CELF4: variants seen among roughly 807,000 people sequenced by gnomAD.
CELF4 encodes CUG-BP- and ETR-3-like factor 4.
CELF4 carries 18 observed loss-of-function variants against 59.9 expected under a neutral mutation model. The observed-to-expected ratio is 0.30, with a 90% CI of 0.21 to 0.45. The LOEUF is 0.45. Among genes scored for constraint, CELF4 ranks in the 20% least tolerant of loss-of-function variants. The pLI, the probability that CELF4 is intolerant of heterozygous loss-of-function variation, is 1.00. For synonymous variants in CELF4, 261 were observed against 267.1 expected, an observed-to-expected ratio of 0.98 and a Z score of 0.22; for missense variants, 456 against 689.0, an observed-to-expected ratio of 0.66 and a Z score of 3.79.
chr18:37,353,220 C>CA (rs768540669), intron 2 of CELF4, among the ~76,000 whole-genome samples: 1,140 of 96,712 alleles, frequency 0.012, 38 homozygotes, highest in Middle Eastern at 0.04. Context: ...GACTCCGTCT[C>CA]AAAAAAAAAA....
intron 2 of CELF4, among the ~76,000 whole-genome samples, chr18:37,485,138 C>T (rs1321729096): frequency 6.6e-6 from 1 of 152,182 alleles, no homozygotes; most frequent in Non-Finnish European, 1.5e-5. Flanking sequence ...GGTGATCTCA[C>T]TTGCGGCGCC....
At chr18:37,514,793 C>A (rs1360583816) in intron 1 of CELF4, among the ~76,000 whole-genome samples, 1 of 151,942 alleles carries the variant, frequency 6.6e-6, no homozygotes, top group Non-Finnish European at 1.5e-5. Context: ...CAGGTTGGGG[C>A]TCCTTTAAAT....
At chr18:37,342,345 G>A (rs775637390) in intron 2 of CELF4, among the ~76,000 whole-genome samples, 13 of 152,004 alleles carry the variant, frequency 8.6e-5, no homozygotes, top group Admixed American at 2.0e-4. Context: ...CATAAAGATA[G>A]CAACCTTCTC....
chr18:37,471,795 G>A (rs1456459108), intron 2 of CELF4, among the ~76,000 whole-genome samples: 2 of 152,222 alleles, frequency 1.3e-5, no homozygotes, highest in Non-Finnish European at 2.9e-5. Flanking sequence ...CTATGCTCCT[G>A]GTGGGTGCTC....
At chr18:37,433,166 C>T (rs1022532269) in intron 2 of CELF4, among the ~76,000 whole-genome samples, 3 of 152,184 alleles carry the variant, frequency 2.0e-5, no homozygotes, top group African/African-American at 7.2e-5. Flanking sequence ...ACAATGGCCC[C>T]CTCTTCCCCA....
intron 2 of CELF4, among the ~76,000 whole-genome samples, chr18:37,433,868 A>G (rs1375918633): frequency 6.6e-6 from 1 of 152,270 alleles, no homozygotes; most frequent in Non-Finnish European, 1.5e-5. Context: ...TGTGGCAACC[A>G]GTCTTTGAGA....
intron 2 of CELF4, among the ~76,000 whole-genome samples, chr18:37,390,803 G>C (rs868159165): frequency 0.046 from 2,188 of 47,362 alleles, 124 homozygotes; most frequent in African/African-American, 0.15. Context: ...GTGATGGGGC[G>C]GGGAGGGGGG....
chr18:37,513,994 A>T lies in CELF4; in HGVS notation c.287-28387T>A, dbSNP rs199740023. On this transcript the variant is annotated intron_variant, in intron 1 of 12. Coordinates refer to ENST00000420428, the MANE Select transcript of CELF4 (RefSeq NM_020180.4). ...TGTGTGTGTGTGTGTATACCTTCTG[A>T]CAGAGGTGTGGGATGGTGACTTCTG... Among the ~76,000 whole-genome samples the T allele has an allele frequency of 1.1e-4, 17 of 149,874 alleles. No individual in the cohort carries two copies. In the East Asian group the frequency reaches 3.2e-3, roughly 28 times the overall value.
chr18:37,266,627 G>A (rs1303009476), intron 8 of CELF4, 29 bp from the exon 9 acceptor site: 1 of 1,552,288 alleles, frequency 6.4e-7, no homozygotes, highest in South Asian at 1.2e-5. Flanking sequence ...ACAGAGGTCA[G>A]CAGTGCCCAC....
intron 2 of CELF4, among the ~76,000 whole-genome samples, chr18:37,433,237 C>A (rs2099676321): frequency 6.6e-6 from 1 of 152,098 alleles, no homozygotes. Flanking sequence ...TCATTTGGGC[C>A]CACCCCTTTT....
intron 2 of CELF4, among the ~76,000 whole-genome samples, chr18:37,347,833 C>T (rs540130192): frequency 2.6e-5 from 4 of 152,252 alleles, no homozygotes; most frequent in East Asian, 3.9e-4. Context: ...TTGGTTTGGC[C>T]CTGCTGACCT....
At chr18:37,474,540 C>T (rs2099843299) in intron 2 of CELF4, among the ~76,000 whole-genome samples, 2 of 152,220 alleles carry the variant, frequency 1.3e-5, no homozygotes, top group South Asian at 4.1e-4. Flanking sequence ...TGGGCTCTGG[C>T]GCCAGATCTC....
intron 2 of CELF4, among the ~76,000 whole-genome samples, chr18:37,358,967 A>G (rs4799919): frequency 0.8 from 122,235 of 152,098 alleles, 49,333 homozygotes; most frequent in East Asian, 0.92. Flanking sequence ...CTGGCATGGT[A>G]GCATGTACCT....
intron 2 of CELF4, among the ~76,000 whole-genome samples, chr18:37,439,330 G>C (rs1158928441): frequency 2.0e-5 from 3 of 152,160 alleles, no homozygotes; most frequent in Non-Finnish European, 2.9e-5. Flanking sequence ...TGAAAGTGGG[G>C]TTTACATAAA....
intron 1 of CELF4, among the ~76,000 whole-genome samples, chr18:37,558,916 C>T (rs1256868650): frequency 4.0e-5 from 6 of 151,822 alleles, no homozygotes; most frequent in South Asian, 2.1e-4. Context: ...GAATTAGCTG[C>T]GGCTGGCCAC....
intron 2 of CELF4, among the ~76,000 whole-genome samples, chr18:37,472,742 C>T (rs954750864): frequency 5.9e-5 from 9 of 152,186 alleles, no homozygotes; most frequent in Admixed American, 3.3e-4. Context: ...TGGAGGGTTT[C>T]GCCTCTAAGG....
intron 1 of CELF4, among the ~76,000 whole-genome samples, chr18:37,515,716 C>A (rs2099949942): frequency 6.6e-6 from 1 of 152,074 alleles, no homozygotes; most frequent in African/African-American, 2.4e-5. Flanking sequence ...CCAGCTGGGG[C>A]ATGGGGAGCT....
intron 1 of CELF4, among the ~76,000 whole-genome samples, chr18:37,513,569 C>G (rs1339033103): frequency 2.0e-5 from 3 of 152,166 alleles, no homozygotes; most frequent in Non-Finnish European, 4.4e-5. Flanking sequence ...TGTCTCCATT[C>G]TTTCACTCAC....
chr18:37,338,809 C>T (rs1452690723), intron 2 of CELF4, among the ~76,000 whole-genome samples: 1 of 128,778 alleles, frequency 7.8e-6, no homozygotes, highest in East Asian at 2.3e-4. Flanking sequence ...GTGTGATCTA[C>T]CTTCACAGGG....
Sources: allele counts gnomAD v4.1 joint callset (sites outside exome capture counted in the v4.1 genomes callset), GRCh38; gene constraint gnomAD v4.1.1; transcripts MANE v1.5; gene names NCBI Gene and HGNC (gene_info 2026-07-23, HGNC 2026-07-21).